Variants in TENM3 observed in about 807,000 individuals in gnomAD.
TENM3 encodes the protein teneurin transmembrane protein 3, also known as teneurin-3.
Under a neutral mutation model 255.1 loss-of-function variants are expected in TENM3, and 63 were observed. The ratio of observed to expected loss-of-function variants is 0.25; its 90% CI spans 0.20 to 0.30. The LOEUF is 0.30. Ranked by LOEUF, TENM3 falls within the 10% of genes least tolerant of loss-of-function variation. The pLI, the probability that TENM3 is intolerant of heterozygous loss-of-function variation, is 1.00. For synonymous variants in TENM3, 1,306 were observed against 1,322.3 expected (o/e 0.99, Z 0.27); for missense variants, 2,929 against 3,461.1 (o/e 0.85, Z 3.86).
the TENM3 span, among the ~76,000 whole-genome samples, chr4:181,467,078 T>TGCGC: frequency 3.0e-5 from 1 of 33,618 alleles, no homozygotes; most frequent in East Asian, 5.2e-4. Flanking sequence ...TGTGTGTGTG[T>TGCGC]GTGTGCGTGT....
At chr4:181,885,332 G>A in the TENM3 span, among the ~76,000 whole-genome samples, 2 of 152,260 alleles carry the variant, frequency 1.3e-5, no homozygotes, top group East Asian at 1.9e-4. Context: ...GTGAGATGTC[G>A]GCTCACTGCA....
At chr4:182,100,963 G>C in the TENM3 span, among the ~76,000 whole-genome samples, 2 of 141,320 alleles carry the variant, frequency 1.4e-5, no homozygotes, top group Non-Finnish European at 1.5e-5. Context: ...AGAATCCCTT[G>C]AGCCCTGGGA....
chr4:181,842,915 G>A, the TENM3 span, among the ~76,000 whole-genome samples: 1 of 152,154 alleles, frequency 6.6e-6, no homozygotes, highest in Non-Finnish European at 1.5e-5. Context: ...GGATAGAAAT[G>A]AGTGAAGGAC....
chr4:182,544,074 T>C (rs998489215), intron 3 of TENM3, among the ~76,000 whole-genome samples: 1 of 152,188 alleles, frequency 6.6e-6, no homozygotes, highest in African/African-American at 2.4e-5. Context: ...TCTCAATGTT[T>C]CCTGACAAAT....
At chr4:181,512,667 A>G in the TENM3 span, among the ~76,000 whole-genome samples, 2 of 152,184 alleles carry the variant, frequency 1.3e-5, no homozygotes, top group Admixed American at 6.5e-5. Flanking sequence ...AAACCAGAAT[A>G]TATTTCTGCC....
At chr4:181,741,806 T>A in the TENM3 span, among the ~76,000 whole-genome samples, 1 of 152,142 alleles carries the variant, frequency 6.6e-6, no homozygotes, top group African/African-American at 2.4e-5. Context: ...GTCTATTCTG[T>A]TTCTGAACAT....
At chr4:182,246,833 G>C (rs190953620) in intron 1 of TENM3, among the ~76,000 whole-genome samples, 1 of 152,166 alleles carries the variant, frequency 6.6e-6, no homozygotes, top group Non-Finnish European at 1.5e-5. Flanking sequence ...GGAGGAAGCC[G>C]CCAGTAAATA....
chr4:182,307,976 A>G (rs969137410), intron 1 of TENM3, among the ~76,000 whole-genome samples: 2 of 152,262 alleles, frequency 1.3e-5, no homozygotes, highest in Non-Finnish European at 2.9e-5. Flanking sequence ...GTGGTCAGGA[A>G]GAGCTTTGGA....
the TENM3 span, among the ~76,000 whole-genome samples, chr4:181,684,441 C>A: frequency 6.6e-6 from 1 of 152,162 alleles, no homozygotes; most frequent in Admixed American, 6.6e-5. Flanking sequence ...ACATCCCATT[C>A]ACTTAAATCA....
chr4:181,960,827 G>A, the TENM3 span, among the ~76,000 whole-genome samples: 5 of 152,072 alleles, frequency 3.3e-5, no homozygotes, highest in Non-Finnish European at 7.3e-5. Flanking sequence ...TTTTTTTAGA[G>A]TACCAATTTC....
chr4:182,409,365 C>A (rs929902450), intron 3 of TENM3, among the ~76,000 whole-genome samples: 8 of 152,180 alleles, frequency 5.3e-5, no homozygotes, highest in Non-Finnish European at 1.0e-4. Context: ...AGTTCCTTTT[C>A]CAGTTTGACT....
intron 12 of TENM3, among the ~76,000 whole-genome samples, chr4:182,690,548 A>G (rs1298689217): frequency 1.3e-5 from 2 of 152,176 alleles, no homozygotes; most frequent in Admixed American, 6.5e-5. Flanking sequence ...AGAAGAAATG[A>G]GTTGAGTCTA....
chr4:181,509,561 C>G, the TENM3 span, among the ~76,000 whole-genome samples: 1 of 152,120 alleles, frequency 6.6e-6, no homozygotes. Flanking sequence ...ATTCCATCCA[C>G]AGAATTGACC....
the TENM3 span, among the ~76,000 whole-genome samples, chr4:181,723,987 C>T: frequency 5.9e-5 from 9 of 152,178 alleles, no homozygotes; most frequent in African/African-American, 1.7e-4. Context: ...TTCAGGATAA[C>T]GAGCAATCTC....
the TENM3 span, among the ~76,000 whole-genome samples, chr4:181,824,449 T>C: frequency 6.6e-6 from 1 of 152,166 alleles, no homozygotes; most frequent in Non-Finnish European, 1.5e-5. Flanking sequence ...AATATGCATA[T>C]TGTAAGACAG....
intron 3 of TENM3, among the ~76,000 whole-genome samples, chr4:182,492,432 A>G (rs1028796313): frequency 6.6e-6 from 1 of 152,214 alleles, no homozygotes; most frequent in Non-Finnish European, 1.5e-5. Context: ...AAAGTCAATT[A>G]TAACTAATTA....
chr4:182,498,652 G>T (rs927012380), intron 3 of TENM3, among the ~76,000 whole-genome samples: 1 of 152,094 alleles, frequency 6.6e-6, no homozygotes, highest in Non-Finnish European at 1.5e-5. Flanking sequence ...TCAGGAGTTT[G>T]AGACCAGCCT....
chr4:182,194,209 C>G (rs997434993), intron 1 of TENM3, among the ~76,000 whole-genome samples: 1 of 152,098 alleles, frequency 6.6e-6, no homozygotes, highest in African/African-American at 2.4e-5. Context: ...TTAGTGCAGG[C>G]AAATCAAATG....
the TENM3 span, among the ~76,000 whole-genome samples, chr4:181,925,157 G>T: frequency 6.6e-6 from 1 of 152,110 alleles, no homozygotes; most frequent in African/African-American, 2.4e-5. Context: ...ATGGTTGATT[G>T]GTTGTCAGCA....
Sources: gnomAD v4.1 joint callset for allele counts (sites outside exome capture counted in the v4.1 genomes callset) on GRCh38, gnomAD v4.1.1 for gene constraint, MANE v1.5 for transcripts, NCBI Gene and HGNC (gene_info 2026-07-23, HGNC 2026-07-21) for gene names.